Variants in PTPRQ observed in about 807,000 individuals in gnomAD.
PTPRQ encodes the protein protein tyrosine phosphatase receptor type Q, also known as phosphatidylinositol phosphatase PTPRQ.
Under a neutral mutation model 246.0 loss-of-function variants are expected in PTPRQ, and 199 were observed. The observed-to-expected ratio is 0.81, with a 90% CI of 0.72 to 0.91. The LOEUF is 0.91. PTPRQ is among the 40% of genes least tolerant of loss of function. PTPRQ has a pLI of 0.00. For missense variants in PTPRQ, 2,624 were observed against 2,528.4 expected, an observed-to-expected ratio of 1.04 and a Z score of -0.81; for synonymous variants, 869 against 853.2, an observed-to-expected ratio of 1.02 and a Z score of -0.32.
At chr12:80,597,660 G>A (rs896860629) in intron 26 of PTPRQ, among the ~76,000 whole-genome samples, 1 of 151,988 alleles carries the variant, frequency 6.6e-6, no homozygotes, top group Non-Finnish European at 1.5e-5. Context: ...CTGAAGAGCA[G>A]TGTCACTATT....
chr12:80,566,445 T>C (rs1308272026), intron 25 of PTPRQ, among the ~76,000 whole-genome samples: 1 of 151,860 alleles, frequency 6.6e-6, no homozygotes, highest in Non-Finnish European at 1.5e-5. Context: ...ACCAGTGCAC[T>C]CCAGCCTGGG....
chr12:80,520,324 T>G (rs910934006), intron 17 of PTPRQ, among the ~76,000 whole-genome samples: 3 of 152,190 alleles, frequency 2.0e-5, no homozygotes, highest in Non-Finnish European at 4.4e-5. Flanking sequence ...TTTTATTTTT[T>G]GTATTTTATG....
At chr12:80,538,833 C>A (rs1042063778) in intron 19 of PTPRQ, among the ~76,000 whole-genome samples, 4 of 152,014 alleles carry the variant, frequency 2.6e-5, no homozygotes, top group African/African-American at 9.7e-5. Flanking sequence ...ATCTAATCCT[C>A]ACAAGTTGTC....
At chr12:80,677,813 T>A (rs1410012264) in intron 43 of PTPRQ, among the ~76,000 whole-genome samples, 1 of 152,226 alleles carries the variant, frequency 6.6e-6, no homozygotes. Context: ...TCAATTTGAA[T>A]ATATGTCTTA....
At chr12:80,538,613 A>C (rs1484630601) in intron 19 of PTPRQ, among the ~76,000 whole-genome samples, 2 of 152,166 alleles carry the variant, frequency 1.3e-5, no homozygotes, top group Non-Finnish European at 2.9e-5. Context: ...AATTGTAGTA[A>C]ATCTTTTATT....
At chr12:80,481,853 C>G (rs1013758773) in intron 8 of PTPRQ, among the ~76,000 whole-genome samples, 1 of 151,990 alleles carries the variant, frequency 6.6e-6, no homozygotes, top group African/African-American at 2.4e-5. Context: ...GAACTACAAA[C>G]CGCTGCTCAA....
chr12:80,534,329 T>C (rs1895927105), intron 18 of PTPRQ, among the ~76,000 whole-genome samples, 154 bp downstream of exon 18: 1 of 152,082 alleles, frequency 6.6e-6, no homozygotes, highest in Non-Finnish European at 1.5e-5. Flanking sequence ...TTTTTAGCTG[T>C]GTGATGTTGG....
At chr12:80,501,904 T>A (rs898741932) in intron 14 of PTPRQ, among the ~76,000 whole-genome samples, 1 of 149,574 alleles carries the variant, frequency 6.7e-6, no homozygotes, top group Non-Finnish European at 1.5e-5. Context: ...GAAAAAATAA[T>A]GGAGAAAAAT....
intron 28 of PTPRQ, among the ~76,000 whole-genome samples, chr12:80,611,706 G>T (rs1375857454): frequency 6.7e-6 from 1 of 150,314 alleles, no homozygotes; most frequent in Non-Finnish European, 1.5e-5. Context: ...AATTTTATGT[G>T]TATAACCAAA....
chr12:80,612,524 G>A (rs906385776), intron 28 of PTPRQ, among the ~76,000 whole-genome samples: 1 of 150,394 alleles, frequency 6.6e-6, no homozygotes, highest in Non-Finnish European at 1.5e-5. Context: ...AAAATATGGC[G>A]ATGATACCCA....
intron 31 of PTPRQ, among the ~76,000 whole-genome samples, chr12:80,619,838 G>A (rs1452230005): frequency 2.0e-5 from 3 of 151,452 alleles, no homozygotes; most frequent in Non-Finnish European, 4.4e-5. Flanking sequence ...CCATATACTA[G>A]TAGATAAACA....
rs148651513 is a variant in PTPRQ, at chr12:80,662,361, C to T, written c.6192+4300C>T. 5.1e-3 allele frequency among the ~76,000 whole-genome samples: 780 copies of T among 151,880 alleles called. 5 individuals are homozygous for T. Among genetic ancestry groups the T allele is most frequent in the Admixed American group, 0.012 (187 of 15,206 alleles). On this transcript the variant is annotated intron_variant, in intron 39 of 44. Coordinates refer to ENST00000644991, the MANE Select transcript of PTPRQ (RefSeq NM_001145026.2). ...TTTTTAGCATGTAGTTCCACAATAC[C>T]TGAGATGTAGTAGGCATTTAATAAT...
intron 23 of PTPRQ, among the ~76,000 whole-genome samples, chr12:80,543,383 A>G (rs1461201726): frequency 6.6e-6 from 1 of 151,484 alleles, no homozygotes; most frequent in African/African-American, 2.4e-5. Flanking sequence ...CACTAACCAC[A>G]TTTTCCCTCC....
chr12:80,550,015 T>C (rs1896425558), intron 25 of PTPRQ, among the ~76,000 whole-genome samples: 1 of 152,100 alleles, frequency 6.6e-6, no homozygotes. Context: ...AATTATGCTT[T>C]ATTGTGATTT....
At chr12:80,473,041 A>ACACG (rs1893694357) in intron 8 of PTPRQ, among the ~76,000 whole-genome samples, 1 of 64,750 alleles carries the variant, frequency 1.5e-5, no homozygotes. Flanking sequence ...ACACACTCAC[A>ACACG]CACACGCACA....
chr12:80,612,741 T>C (rs73349794), intron 28 of PTPRQ, among the ~76,000 whole-genome samples: 16 of 150,620 alleles, frequency 1.1e-4, no homozygotes, highest in African/African-American at 3.9e-4. Flanking sequence ...CCAAGATTGA[T>C]TGCAGTTTTA....
intron 6 of PTPRQ, among the ~76,000 whole-genome samples, chr12:80,466,210 C>T (rs11114464): frequency 0.097 from 14,689 of 152,062 alleles, 1,508 homozygotes; most frequent in African/African-American, 0.25. Context: ...TATACACCAA[C>T]AACAGACAAA....
intron 3 of PTPRQ, among the ~76,000 whole-genome samples, chr12:80,450,669 C>T (rs939434917): frequency 6.6e-6 from 1 of 152,140 alleles, no homozygotes; most frequent in Non-Finnish European, 1.5e-5. Flanking sequence ...TGTTTATGTG[C>T]TAGATTACAT....
intron 25 of PTPRQ, among the ~76,000 whole-genome samples, chr12:80,559,304 A>G (rs1229169648): frequency 6.6e-6 from 1 of 152,200 alleles, no homozygotes; most frequent in Admixed American, 6.5e-5. Context: ...TCGGCCTCCC[A>G]AAGTGCTGGG....
Sources: allele counts gnomAD v4.1 joint callset (sites outside exome capture counted in the v4.1 genomes callset), GRCh38; gene constraint gnomAD v4.1.1; transcripts MANE v1.5; gene names NCBI Gene and HGNC (gene_info 2026-07-23, HGNC 2026-07-21).